The following FOCAD variants were observed in gnomAD, a reference collection of about 807,000 sequenced individuals.
FOCAD encodes KIAA1797.
A neutral mutation model predicts 225.6 loss-of-function variants in FOCAD; 198 were observed. The ratio of observed to expected loss-of-function variants is 0.88; its 90% confidence interval spans 0.78 to 0.99. The LOEUF is 0.99. Ranked by LOEUF, FOCAD falls within the 50% of genes least tolerant of loss-of-function variation. FOCAD has a pLI of 0.00. For synonymous variants in FOCAD, 897 were observed against 755.0 expected (o/e 1.19, Z -3.08); for missense variants, 2,713 against 2,123.6 (o/e 1.28, Z -5.46).
intron 15 of FOCAD, among the ~76,000 whole-genome samples, chr9:20,845,487 A>C (rs1314512635): frequency 7.4e-6 from 1 of 134,998 alleles, no homozygotes; most frequent in East Asian, 2.4e-4. Context: ...ATATCATTGT[A>C]CATGCCATGT....
intron 15 of FOCAD, among the ~76,000 whole-genome samples, chr9:20,856,172 A>G (rs1828159872): frequency 6.6e-6 from 1 of 151,916 alleles, no homozygotes; most frequent in South Asian, 2.1e-4. Context: ...AGAAAACTCC[A>G]TAGTCTTCTC....
intron 28 of FOCAD, among the ~76,000 whole-genome samples, chr9:20,935,979 A>C (rs940128497): frequency 1.3e-5 from 2 of 152,266 alleles, no homozygotes; most frequent in South Asian, 4.1e-4. Context: ...AATCAAAAAA[A>C]GAATTAAACA....
intron 8 of FOCAD, among the ~76,000 whole-genome samples, chr9:20,773,416 C>G (rs1005980058): frequency 4.6e-5 from 7 of 152,148 alleles, no homozygotes; most frequent in Non-Finnish European, 8.8e-5. Flanking sequence ...GAGTGCGGCC[C>G]AAGTATTCTC....
chr9:20,672,115 A>G (rs1822081850), intron 2 of FOCAD, among the ~76,000 whole-genome samples: 1 of 152,212 alleles, frequency 6.6e-6, no homozygotes, highest in African/African-American at 2.4e-5. Flanking sequence ...AAGGCAACAA[A>G]TAAGGAAAAA....
chr9:20,927,419 T>C (rs1197678407), intron 26 of FOCAD, among the ~76,000 whole-genome samples: 1 of 152,184 alleles, frequency 6.6e-6, no homozygotes, highest in Non-Finnish European at 1.5e-5. Flanking sequence ...TAAAAATTAA[T>C]GCTTTGCCAA....
intron 15 of FOCAD, among the ~76,000 whole-genome samples, chr9:20,857,064 T>G (rs1286819248): frequency 6.6e-6 from 1 of 151,966 alleles, no homozygotes; most frequent in Non-Finnish European, 1.5e-5. Context: ...ATGGTTTTCC[T>G]TATACTGGGT....
chr9:20,799,123 G>C (rs186745774), intron 11 of FOCAD, among the ~76,000 whole-genome samples: 3 of 152,312 alleles, frequency 2.0e-5, no homozygotes, highest in African/African-American at 7.2e-5. Context: ...TCCTTTAGGA[G>C]CAGGTCATTC....
intron 5 of FOCAD, 44 bp downstream of exon 5, chr9:20,740,384 T>C (rs764170793): frequency 9.2e-7 from 1 of 1,087,010 alleles, no homozygotes; most frequent in Non-Finnish European, 1.4e-6. Flanking sequence ...TATGAATTTT[T>C]AATGAAATTA....
chr9:20,963,021 C>G (rs183432221), intron 35 of FOCAD, among the ~76,000 whole-genome samples: 2 of 152,284 alleles, frequency 1.3e-5, no homozygotes, highest in Non-Finnish European at 2.9e-5. Flanking sequence ...TCTTTCCATA[C>G]CTCCTCCAGA....
At chr9:20,957,259 A>G (rs1587716477) in intron 35 of FOCAD, among the ~76,000 whole-genome samples, 1 of 92,450 alleles carries the variant, frequency 1.1e-5, no homozygotes, top group Non-Finnish European at 2.4e-5. Context: ...AGATGGAAAC[A>G]ATGTTGCCTA....
intron 2 of FOCAD, among the ~76,000 whole-genome samples, chr9:20,665,906 T>A (rs949699393): frequency 1.3e-5 from 2 of 151,628 alleles, no homozygotes; most frequent in Non-Finnish European, 2.9e-5. Flanking sequence ...ATTATATATA[T>A]ATATTTTAGA....
At chr9:20,876,551 C>G (rs1001285069) in intron 19 of FOCAD, among the ~76,000 whole-genome samples, 5 of 151,996 alleles carry the variant, frequency 3.3e-5, no homozygotes, top group African/African-American at 1.2e-4. Flanking sequence ...TTCTCAGTGC[C>G]TTCGACTGAG....
At chr9:20,691,604 C>T (rs1822984475) in intron 1 of FOCAD, among the ~76,000 whole-genome samples, 1 of 151,674 alleles carries the variant, frequency 6.6e-6, no homozygotes, top group Non-Finnish European at 1.5e-5. Flanking sequence ...GCCTCAGCCT[C>T]CTGAGTAGCT....
At chr9:20,740,834 T>C (rs1254477575) in intron 5 of FOCAD, among the ~76,000 whole-genome samples, 1 of 152,126 alleles carries the variant, frequency 6.6e-6, no homozygotes, top group Non-Finnish European at 1.5e-5. Flanking sequence ...GTAGAATTGT[T>C]TTAAAAAAAT....
chr9:20,907,355 G>A, intron 22 of FOCAD, 113 bp downstream of exon 22: 2 of 816,214 alleles, frequency 2.5e-6, no homozygotes, highest in Non-Finnish European at 4.1e-6. Context: ...TACCAAAAAT[G>A]TAATGGTTAT....
intron 6 of FOCAD, among the ~76,000 whole-genome samples, chr9:20,763,204 G>C (rs1479169709): frequency 6.6e-6 from 1 of 152,132 alleles, no homozygotes; most frequent in African/African-American, 2.4e-5. Context: ...TTAAATGATT[G>C]AGCATCTCTT....
At chr9:20,936,172 T>C (rs1410966482) in intron 28 of FOCAD, among the ~76,000 whole-genome samples, 1 of 152,216 alleles carries the variant, frequency 6.6e-6, no homozygotes, top group African/African-American at 2.4e-5. Flanking sequence ...TCATTGTTAC[T>C]AGGAATTAAC....
chr9:20,968,580 T>G (rs1438031938), intron 35 of FOCAD, among the ~76,000 whole-genome samples: 1 of 151,818 alleles, frequency 6.6e-6, no homozygotes, highest in Admixed American at 6.6e-5. Context: ...TAGCTGGGAT[T>G]ACAGGCGTCT....
rs1587697355 is a variant in FOCAD, at chr9:20,948,831, T to A, written c.3799-20T>A. 2 of 1,612,830 alleles carry A rather than the reference T, an allele frequency of 1.2e-6. No individual in the cohort carries two copies. The highest frequency in any genetic ancestry group is 1.7e-6 in the Non-Finnish European group (2 of 1,179,010). ...CAAGGACTGATTCCCTCTTTTCATA[T>A]TCTGATGCTTTGTTTTCAGGGCACT... On this transcript the variant is annotated intron_variant, in intron 31 of 43. Transcript: ENST00000338382.
Sources: allele counts gnomAD v4.1 joint callset (sites outside exome capture counted in the v4.1 genomes callset), GRCh38; gene constraint gnomAD v4.1.1; transcripts MANE v1.5; gene names NCBI Gene and HGNC (gene_info 2026-07-23, HGNC 2026-07-21).